ATP9B: variants seen among roughly 807,000 people sequenced by gnomAD.
ATP9B encodes the protein ATPase phospholipid transporting 9B.
In ATP9B, 110 loss-of-function variants were observed where a neutral mutation model predicts 146.1. That is an observed-to-expected ratio of 0.75 (90% confidence interval 0.65 to 0.88). The LOEUF (loss-of-function observed/expected upper bound fraction) is 0.88, where lower values mean the gene tolerates loss of function less well. Ranked by LOEUF, ATP9B falls within the 40% of genes least tolerant of loss-of-function variation. The pLI, the probability that ATP9B is intolerant of heterozygous loss-of-function variation, is 0.00. For missense variants in ATP9B, 1,499 were observed against 1,496.4 expected (o/e 1.00, Z -0.03); for synonymous variants, 604 against 569.7 (o/e 1.06, Z -0.86).
intron 11 of ATP9B, among the ~76,000 whole-genome samples, chr18:79,238,866 G>A (rs568547698): frequency 6.6e-5 from 10 of 151,502 alleles, no homozygotes; most frequent in East Asian, 3.8e-4. Context: ...GCAGTGAAGC[G>A]GATGCAGTGA....
chr18:79,224,345 C>T (rs1159669622), intron 11 of ATP9B, among the ~76,000 whole-genome samples: 4 of 152,120 alleles, frequency 2.6e-5, no homozygotes, highest in South Asian at 2.1e-4. Flanking sequence ...TCTGACGAGG[C>T]GATCTGGAAT....
intron 5 of ATP9B, among the ~76,000 whole-genome samples, chr18:79,139,860 T>C (rs28444270): frequency 6.6e-6 from 1 of 152,182 alleles, no homozygotes; most frequent in Non-Finnish European, 1.5e-5. Flanking sequence ...ACCCTTCTAC[T>C]CTCTGTCTCC....
chr18:79,148,248 C>T (rs1401274844), intron 6 of ATP9B, among the ~76,000 whole-genome samples: 1 of 152,214 alleles, frequency 6.6e-6, no homozygotes, highest in Non-Finnish European at 1.5e-5. Flanking sequence ...ATCAACTTTG[C>T]ACAGTTATTT....
At position 79,113,233 on chromosome 18, in the gene ATP9B, CT is replaced by C; in HGVS notation, c.445-3del. 6.8e-7 allele frequency: 1 copy of C among 1,478,936 alleles called. No individual in the cohort carries two copies. The highest frequency in any genetic ancestry group is 1.3e-5 in the South Asian group (1 of 79,526). 91.6% of individuals were successfully genotyped at this position (1,478,936 alleles called of 1,614,324 possible). On this transcript the variant is annotated splice_region_variant and splice_polypyrimidine_tract_variant and intron_variant, in intron 3 of 29. Coordinates refer to ENST00000426216, the MANE Select transcript of ATP9B (RefSeq NM_198531.5). Reference sequence around the variant, plus strand: ...GGAATTTTGTTAATTTTCTCTTTTCCTTTTTAGGTTTTGTATGAACAATTCA... The same window carrying C: ...GGAATTTTGTTAATTTTCTCTTTTCCTTTTAGGTTTTGTATGAACAATTCA...
intron 13 of ATP9B, among the ~76,000 whole-genome samples, chr18:79,278,197 A>G (rs1235857715): frequency 3.3e-5 from 5 of 152,208 alleles, no homozygotes; most frequent in Non-Finnish European, 5.9e-5. Flanking sequence ...TCCATAGAAG[A>G]CACAGAGGCA....
chr18:79,277,158 A>T lies in ATP9B; in HGVS notation c.1373A>T (p.Glu458Val). ...GTTCGGACCAGCACTATCCCAGAGG[A>T]ACTTGGGCGCCTGGTGTATTTATTG... ...TVVRTSTIPEELGRLVYLLTD... is the reference protein window; with the variant it reads ...TVVRTSTIPEVLGRLVYLLTD... Residue 458 changes from glutamate (E) to valine (V), a missense_variant, in exon 13 of 30, where the codon GAA (glutamate) becomes GTA (valine). Transcript: ENST00000426216. The T allele has an allele frequency of 6.2e-7, 1 of 1,614,238 alleles. No homozygotes were observed. The highest frequency in any genetic ancestry group is 8.5e-7 in the Non-Finnish European group (1 of 1,180,042).
chr18:79,082,820 C>T (rs2073408736), intron 1 of ATP9B, among the ~76,000 whole-genome samples: 1 of 152,200 alleles, frequency 6.6e-6, no homozygotes, highest in Admixed American at 6.5e-5. Context: ...AGCCGGAGCT[C>T]TCCGGTATGA....
At chr18:79,105,796 C>G (rs1300553331) in intron 2 of ATP9B, among the ~76,000 whole-genome samples, 1 of 152,166 alleles carries the variant, frequency 6.6e-6, no homozygotes, top group Non-Finnish European at 1.5e-5. Context: ...ATTCCTAGTT[C>G]TAATGTCCTC....
chr18:79,364,558 T>C (rs2097015160), intron 26 of ATP9B, among the ~76,000 whole-genome samples: 1 of 152,162 alleles, frequency 6.6e-6, no homozygotes, highest in Non-Finnish European at 1.5e-5. Context: ...ACACTTCATG[T>C]GAAAATCCAC....
chr18:79,190,497 G>A (rs894112085), intron 8 of ATP9B, among the ~76,000 whole-genome samples: 1 of 140,790 alleles, frequency 7.1e-6, no homozygotes, highest in Non-Finnish European at 1.5e-5. Context: ...AACTGTTCCA[G>A]CCCTTTTTAT....
chr18:79,288,982 C>T (rs2096473171), intron 13 of ATP9B, among the ~76,000 whole-genome samples: 1 of 152,166 alleles, frequency 6.6e-6, no homozygotes, highest in Non-Finnish European at 1.5e-5. Context: ...GCCGAGAGAT[C>T]CACTGTTAGT....
intron 4 of ATP9B, among the ~76,000 whole-genome samples, chr18:79,121,095 AG>A (rs2094181151): frequency 6.6e-6 from 1 of 152,228 alleles, no homozygotes; most frequent in African/African-American, 2.4e-5. Flanking sequence ...GATATTTAAA[AG>A]GGGTAACTCA....
At position 79,206,995 on chromosome 18, in the gene ATP9B, G is replaced by A. The variant is rs768209292; in HGVS notation, c.1013G>A (p.Ser338Asn). 8.1e-6 allele frequency: 13 copies of A among 1,614,092 alleles called. 1 individual carries two copies. The Admixed American group carries it at 2.2e-4, about 27-fold the overall frequency. Residue 338 changes from serine (S) to asparagine (N), a missense_variant, in exon 10 of 30, where the codon AGC (serine) becomes AAC (asparagine). Physicochemically the swap from Ser to Asn is conservative, Grantham distance 46. Coordinates refer to ENST00000426216, the MANE Select transcript of ATP9B (RefSeq NM_198531.5). Reference protein sequence around the residue: ...SLSIENTLWASTIVASGTVIG... With the variant: ...SLSIENTLWANTIVASGTVIG... ...AGCATAGAAAATACATTGTGGGCAAGCACCATTGTTGCATCAGGTAAGGAA... is the reference window on the plus strand; with the variant it reads ...AGCATAGAAAATACATTGTGGGCAAACACCATTGTTGCATCAGGTAAGGAA...
chr18:79,370,903 C>T (rs1216922435), intron 26 of ATP9B, among the ~76,000 whole-genome samples: 1 of 152,172 alleles, frequency 6.6e-6, no homozygotes, highest in South Asian at 2.1e-4. Context: ...AATTAAATTT[C>T]CTTTTACAGT....
At chr18:79,376,804 C>T (rs1211227949) in intron 29 of ATP9B, among the ~76,000 whole-genome samples, 1 of 151,292 alleles carries the variant, frequency 6.6e-6, no homozygotes, top group Non-Finnish European at 1.5e-5. Flanking sequence ...AAGCAATTCT[C>T]CTGTCTCCAC....
At chr18:79,372,582 CAG>C in intron 26 of ATP9B, 1 of 641,742 alleles carries the variant, frequency 1.6e-6, no homozygotes. Flanking sequence ...GCAGGTCAAA[CAG>C]AAGACAACAT....
At chr18:79,190,226 T>G (rs2095350768) in intron 8 of ATP9B, among the ~76,000 whole-genome samples, 1 of 152,186 alleles carries the variant, frequency 6.6e-6, no homozygotes, top group Non-Finnish European at 1.5e-5. Flanking sequence ...TGTGTATATT[T>G]TATTGTAGTA....
chr18:79,327,665 G>GTGCTCTCCGTGTTTAGCA (rs2096761520), intron 15 of ATP9B, among the ~76,000 whole-genome samples: 10 of 72,698 alleles, frequency 1.4e-4, no homozygotes, highest in South Asian at 4.4e-4. Context: ...CGTGTTTAGC[G>GTGCTCTCCGTGTTTAGCA]TGCTCTCCGT....
intron 13 of ATP9B, among the ~76,000 whole-genome samples, chr18:79,281,335 A>G (rs1176920491): frequency 2.0e-5 from 3 of 152,040 alleles, no homozygotes; most frequent in Admixed American, 1.3e-4. Context: ...TGTCTCTACT[A>G]AAAATACAAA....
Sources: gnomAD v4.1 joint callset for allele counts (sites outside exome capture counted in the v4.1 genomes callset) on GRCh38, gnomAD v4.1.1 for gene constraint, MANE v1.5 for transcripts, NCBI Gene and HGNC (gene_info 2026-07-23, HGNC 2026-07-21) for gene names.